The following COL25A1 variants were observed in gnomAD, a reference collection of about 807,000 sequenced individuals.
COL25A1 encodes the protein collagen alpha-1(XXV) chain.
In COL25A1, 103 loss-of-function variants were observed where a neutral mutation model predicts 128.4. The ratio of observed to expected loss-of-function variants is 0.80; its 90% CI spans 0.68 to 0.94. The LOEUF (loss-of-function observed/expected upper bound fraction) is 0.94. COL25A1 is among the 40% of genes least tolerant of loss of function. The probability of loss-of-function intolerance (pLI) is 0.00; values close to 1 mark genes in which losing one functional copy is unlikely to be tolerated. For synonymous variants in COL25A1, 279 were observed against 277.2 expected (o/e 1.01, Z -0.06); for missense variants, 745 against 840.0 (o/e 0.89, Z 1.40).
At chr4:109,013,940 CCCCACCCCA>C (rs757098311) in intron 5 of COL25A1, among the ~76,000 whole-genome samples, 37 of 152,258 alleles carry the variant, frequency 2.4e-4, no homozygotes, top group Non-Finnish European at 3.8e-4. Context: ...TGCACTCCTC[CCCCACCCCA>C]CCAACCCCCC....
chr4:108,861,569 CA>C (rs1379543547), intron 22 of COL25A1, among the ~76,000 whole-genome samples: 1 of 152,166 alleles, frequency 6.6e-6, no homozygotes, highest in Admixed American at 6.5e-5. Context: ...CGCTGAAGGT[CA>C]GGGGCAGGGC....
chr4:109,038,221 T>C (rs1374996303), intron 5 of COL25A1, among the ~76,000 whole-genome samples: 2 of 152,228 alleles, frequency 1.3e-5, no homozygotes, highest in Non-Finnish European at 2.9e-5. Flanking sequence ...CTGTGATTAA[T>C]GTTTACCATC....
intron 5 of COL25A1, among the ~76,000 whole-genome samples, chr4:109,020,788 TAAAG>T (rs1465623180): frequency 3.3e-5 from 5 of 152,194 alleles, no homozygotes; most frequent in Admixed American, 6.5e-5. Context: ...ACACAAAAAA[TAAAG>T]ACTCATTCAT....
chr4:109,024,293 T>A (rs1247292970), intron 5 of COL25A1, among the ~76,000 whole-genome samples: 1 of 152,182 alleles, frequency 6.6e-6, no homozygotes, highest in African/African-American at 2.4e-5. Context: ...AAGGAGCATC[T>A]GTAAATATCT....
At chr4:108,841,765 GTT>G (rs1734490904) in intron 30 of COL25A1, 44 bp from the exon 31 acceptor site, 4 of 1,449,624 alleles carry the variant, frequency 2.8e-6, no homozygotes, top group Non-Finnish European at 3.9e-6. Flanking sequence ...TTGATTCCCT[GTT>G]TCCCAGCAAG....
At chr4:108,944,390 G>A (rs1049640510) in intron 8 of COL25A1, among the ~76,000 whole-genome samples, 6 of 152,028 alleles carry the variant, frequency 3.9e-5, no homozygotes, top group African/African-American at 4.8e-5. Flanking sequence ...TTCCATCTGT[G>A]ACTCATTAGC....
intron 3 of COL25A1, among the ~76,000 whole-genome samples, chr4:109,123,857 C>T (rs1768343947): frequency 6.6e-6 from 1 of 152,060 alleles, no homozygotes; most frequent in African/African-American, 2.4e-5. Flanking sequence ...CTTGAAACCC[C>T]TGTATCTCCC....
intron 3 of COL25A1, among the ~76,000 whole-genome samples, chr4:109,169,106 T>C (rs1489456523): frequency 6.6e-6 from 1 of 152,160 alleles, no homozygotes; most frequent in African/African-American, 2.4e-5. Context: ...GGTAGAAGTG[T>C]CCTTATATAA....
chr4:108,821,484 C>A (rs11737687), intron 35 of COL25A1, among the ~76,000 whole-genome samples: 24,121 of 152,210 alleles, frequency 0.16, 2,333 homozygotes, highest in South Asian at 0.25. Flanking sequence ...GAGCTCTTCC[C>A]TCCCAAAGGG....
At chr4:109,218,357 G>GTTTTTTTTTTTTTTGTTTGT (rs1560887047) in intron 3 of COL25A1, among the ~76,000 whole-genome samples, 1 of 73,566 alleles carries the variant, frequency 1.4e-5, no homozygotes, top group Non-Finnish European at 2.3e-5. Context: ...GTTTTTTGGG[G>GTTTTTTTTTTTTTTGTTTGT]TTTTTTTTTT....
rs577563906 is a variant in COL25A1, at chr4:108,908,713, C to A, written c.781-7541G>T. 2.3e-4 allele frequency among the ~76,000 whole-genome samples: 35 copies of A among 152,228 alleles called. No homozygotes were observed. In the South Asian group the frequency reaches 6.6e-3, roughly 29 times the overall value. ...GGAGAAAGAGTAATTCACACAGAGG[C>A]GGCTGTGCAGGAGACCAGAGTTTTA... On this transcript the variant is annotated intron_variant, in intron 13 of 37. Transcript: ENST00000399132.
chr4:109,278,779 G>C (rs1723084829), intron 3 of COL25A1, among the ~76,000 whole-genome samples: 1 of 152,162 alleles, frequency 6.6e-6, no homozygotes, highest in South Asian at 2.1e-4. Context: ...TTTAAGAAAA[G>C]CTTCTTAGTC....
chr4:109,128,004 G>A (rs1271826482), intron 3 of COL25A1, among the ~76,000 whole-genome samples: 1 of 152,076 alleles, frequency 6.6e-6, no homozygotes, highest in Non-Finnish European at 1.5e-5. Flanking sequence ...GCAGTCTCCT[G>A]AGCATGGAAA....
intron 13 of COL25A1, among the ~76,000 whole-genome samples, chr4:108,908,613 C>T (rs1159139034): frequency 6.6e-6 from 1 of 152,202 alleles, no homozygotes; most frequent in South Asian, 2.1e-4. Context: ...AAATTAGAAC[C>T]GCATAACCAC....
At chr4:109,162,067 T>C (rs912166127) in intron 3 of COL25A1, among the ~76,000 whole-genome samples, 1 of 152,088 alleles carries the variant, frequency 6.6e-6, no homozygotes, top group Non-Finnish European at 1.5e-5. Flanking sequence ...GAAAAGAACA[T>C]GAGGACATTT....
intron 13 of COL25A1, among the ~76,000 whole-genome samples, chr4:108,902,330 G>A (rs1351379228): frequency 6.6e-6 from 1 of 151,770 alleles, no homozygotes; most frequent in Non-Finnish European, 1.5e-5. Context: ...TATTTTACAG[G>A]CAAAGAAACT....
chr4:109,282,214 A>C (rs1723445418), intron 3 of COL25A1, among the ~76,000 whole-genome samples: 1 of 152,012 alleles, frequency 6.6e-6, no homozygotes, highest in Non-Finnish European at 1.5e-5. Flanking sequence ...ACTCTAAAAA[A>C]CACAGTAAAA....
At chr4:108,890,648 T>C (rs1251551991) in intron 16 of COL25A1, among the ~76,000 whole-genome samples, 1 of 152,218 alleles carries the variant, frequency 6.6e-6, no homozygotes, top group African/African-American at 2.4e-5. Context: ...GAAAAGGTCA[T>C]TTGAGACTGT....
intron 3 of COL25A1, among the ~76,000 whole-genome samples, chr4:109,283,421 T>C (rs770680209): frequency 2.0e-5 from 3 of 152,150 alleles, no homozygotes; most frequent in Non-Finnish European, 4.4e-5. Flanking sequence ...TAATTTTTTT[T>C]CTTTTTCTTT....
Sources: allele counts gnomAD v4.1 joint callset (sites outside exome capture counted in the v4.1 genomes callset), GRCh38; gene constraint gnomAD v4.1.1; transcripts MANE v1.5; gene names NCBI Gene and HGNC (gene_info 2026-07-23, HGNC 2026-07-21).